The following COP1 variants were observed in gnomAD, a reference collection of about 807,000 sequenced individuals.
The protein encoded by COP1 is E3 ubiquitin-protein ligase COP1.
Under a neutral mutation model 101.3 loss-of-function variants are expected in COP1, and 24 were observed. The observed-to-expected ratio is 0.24, with a 90% CI of 0.17 to 0.33. The LOEUF (loss-of-function observed/expected upper bound fraction) is 0.33. Ranked by LOEUF, COP1 falls within the 10% of genes least tolerant of loss-of-function variation. The pLI is 1.00. For synonymous variants in COP1, 347 were observed against 341.9 expected, an observed-to-expected ratio of 1.01 and a Z score of -0.17; for missense variants, 663 against 906.2, an observed-to-expected ratio of 0.73 and a Z score of 3.45.
chr1:176,168,144 G>A (rs768199938), intron 3 of COP1, among the ~76,000 whole-genome samples: 4 of 151,084 alleles, frequency 2.6e-5, no homozygotes, highest in African/African-American at 7.3e-5. Context: ...CGCAACCTCC[G>A]CCTCCTGGGT....
intron 8 of COP1, chr1:176,133,876 G>A: frequency 2.2e-6 from 1 of 454,912 alleles, no homozygotes; most frequent in Non-Finnish European, 4.4e-6. Flanking sequence ...CAAAGATCCT[G>A]TGCATATCAG....
At chr1:176,146,364 AC>A (rs1378414590) in intron 6 of COP1, among the ~76,000 whole-genome samples, 1 of 152,178 alleles carries the variant, frequency 6.6e-6, no homozygotes, top group Non-Finnish European at 1.5e-5. Context: ...TAGTATTCAA[AC>A]CCTTGTGCAA....
At chr1:176,175,752 T>C (rs1182095499) in intron 3 of COP1, among the ~76,000 whole-genome samples, 158 bp downstream of exon 3, 1 of 152,220 alleles carries the variant, frequency 6.6e-6, no homozygotes, top group East Asian at 1.9e-4. Flanking sequence ...TAACAATGTA[T>C]AGAATCTATG....
At position 176,070,429 on chromosome 1, in the gene COP1, G is replaced by A. The variant is rs571933397; in HGVS notation, c.1277+10723C>T. Among the ~76,000 whole-genome samples, 170 of 151,386 alleles carry A rather than the reference G, an allele frequency of 1.1e-3. 1 individual carries two copies. Among genetic ancestry groups the A allele is most frequent in the East Asian group, 2.5e-3 (13 of 5,128 alleles). ...TGTAATCCCAGCACTTTGGGAGGCC[G>A]AGGTGGGTGGATCCCTGAGGTCAGG... On this transcript the variant is annotated intron_variant, in intron 11 of 19. Transcript: ENST00000367669.
At position 175,988,351 on chromosome 1, in the gene COP1, T is replaced by C. The variant is rs767331588; in HGVS notation, c.1909A>G (p.Lys637Glu). The change falls in exon 17 of 20, where the codon AAG (lysine) becomes GAG (glutamate). Residue 637 changes from lysine to glutamate, a missense_variant. Physicochemically the swap from Lys to Glu is moderately conservative, Grantham distance 56 (BLOSUM62 1). Transcript: ENST00000367669. The stretch of plus-strand genomic sequence containing the variant: ...AAGTTTTTTTCATTGATATGACCCT[T>C]GAAGGAACGTAGGCAGTATGGTTTC... ...VGKPYCLRSF[K>E]GHINEKNFVG... 6 of 1,612,284 alleles carry C rather than the reference T, an allele frequency of 3.7e-6. No individual in the cohort carries two copies. The African/African-American group carries it at 6.7e-5, about 18-fold the overall frequency.
At chr1:176,100,863 C>T (rs953991287) in intron 9 of COP1, among the ~76,000 whole-genome samples, 5 of 152,028 alleles carry the variant, frequency 3.3e-5, no homozygotes, top group African/African-American at 4.8e-5. Flanking sequence ...TGCAACACCC[C>T]CACCCCCCAA....
chr1:176,108,758 T>C (rs116746072), intron 9 of COP1, among the ~76,000 whole-genome samples: 2,029 of 152,250 alleles, frequency 0.013, 30 homozygotes, highest in South Asian at 0.029. Flanking sequence ...GTGTGAATTT[T>C]TGTCTTTTAA....
intron 15 of COP1, among the ~76,000 whole-genome samples, chr1:176,008,178 G>T (rs930119409): frequency 6.6e-6 from 1 of 152,200 alleles, no homozygotes; most frequent in African/African-American, 2.4e-5. Context: ...TCCCAAGTGA[G>T]GCAATGCCTC....
chr1:175,962,669 T>C (rs1453774702), intron 18 of COP1, among the ~76,000 whole-genome samples: 1 of 152,136 alleles, frequency 6.6e-6, no homozygotes, highest in African/African-American at 2.4e-5. Flanking sequence ...GTCAGTTTAT[T>C]TCACAGACCT....
Position 176,067,514 on chromosome 1 carries a change from T to C in COP1, c.1277+13638A>G, listed in dbSNP as rs898889857. On this transcript the variant is annotated intron_variant, in intron 11 of 19. Transcript: ENST00000367669. ...GGCAGGCCATCAACCAGCAGGAGGATGCAGAATTTGGCTGGGACGGTTGGA... is the reference window on the plus strand; with the variant it reads ...GGCAGGCCATCAACCAGCAGGAGGACGCAGAATTTGGCTGGGACGGTTGGA... 2.0e-5 allele frequency among the ~76,000 whole-genome samples: 3 copies of C among 152,114 alleles called. No individual in the cohort carries two copies. In the East Asian group the frequency reaches 5.8e-4, roughly 29 times the overall value.
intron 11 of COP1, among the ~76,000 whole-genome samples, chr1:176,066,773 CT>C (rs1676054382): frequency 6.6e-6 from 1 of 152,108 alleles, no homozygotes; most frequent in Non-Finnish European, 1.5e-5. Flanking sequence ...ACTAGAACAG[CT>C]TTTTTTGAGA....
chr1:176,189,962 T>C (rs929493908), intron 1 of COP1, among the ~76,000 whole-genome samples: 6 of 151,392 alleles, frequency 4.0e-5, no homozygotes, highest in African/African-American at 1.5e-4. Context: ...AAGAAAGAAT[T>C]AGAATGAAAA....
At chr1:176,036,283 G>A (rs780703342) in intron 14 of COP1, among the ~76,000 whole-genome samples, 7 of 151,582 alleles carry the variant, frequency 4.6e-5, no homozygotes, top group African/African-American at 1.7e-4. Flanking sequence ...CCCAAAGCAA[G>A]AAGAAAAATG....
At chr1:176,177,609 G>A (rs1219350011) in intron 2 of COP1, among the ~76,000 whole-genome samples, 2 of 151,692 alleles carry the variant, frequency 1.3e-5, no homozygotes, top group African/African-American at 2.4e-5. Flanking sequence ...GTAACACTCA[G>A]GAAAAAAATG....
At chr1:176,158,327 G>T (rs912164382) in intron 5 of COP1, among the ~76,000 whole-genome samples, 1 of 152,004 alleles carries the variant, frequency 6.6e-6, no homozygotes, top group Non-Finnish European at 1.5e-5. Context: ...GTAAAATAAA[G>T]ATTTTGTCAG....
At chr1:175,978,824 T>C (rs543652721) in intron 18 of COP1, among the ~76,000 whole-genome samples, 4 of 152,310 alleles carry the variant, frequency 2.6e-5, no homozygotes, top group African/African-American at 9.6e-5. Context: ...TTCTATGTTG[T>C]CTTCTCCGCA....
chr1:176,157,816 T>A (rs928562749), intron 5 of COP1, among the ~76,000 whole-genome samples: 1 of 152,024 alleles, frequency 6.6e-6, no homozygotes, highest in Non-Finnish European at 1.5e-5. Flanking sequence ...AGGGAAAAAG[T>A]CAATCTATAT....
chr1:176,079,813 A>G (rs1475805455), intron 11 of COP1, among the ~76,000 whole-genome samples: 2 of 152,230 alleles, frequency 1.3e-5, no homozygotes, highest in African/African-American at 4.8e-5. Context: ...GTGAGGAATT[A>G]GTCCATTCTC....
chr1:176,191,281 AAAT>A (rs1426161055), intron 1 of COP1, among the ~76,000 whole-genome samples: 2 of 152,052 alleles, frequency 1.3e-5, no homozygotes, highest in African/African-American at 4.8e-5. Flanking sequence ...GAAGAGTAAA[AAAT>A]AATAAAAATA....
Sources: gnomAD v4.1 joint callset for allele counts (sites outside exome capture counted in the v4.1 genomes callset) on GRCh38, gnomAD v4.1.1 for gene constraint, MANE v1.5 for transcripts, NCBI Gene and HGNC (gene_info 2026-07-23, HGNC 2026-07-21) for gene names.